The following NREP variants were observed in gnomAD, a reference collection of about 807,000 sequenced individuals.
The protein encoded by NREP is neuronal regeneration-related protein.
A neutral mutation model predicts 8.6 loss-of-function variants in NREP; 5 were observed. That is an observed-to-expected ratio of 0.58 (90% CI 0.30 to 1.22). The LOEUF (loss-of-function observed/expected upper bound fraction) is 1.22, where lower values mean the gene tolerates loss of function less well. Ranked by LOEUF, NREP falls within the 50% of genes most tolerant of loss-of-function variation. The pLI is 0.07. For missense variants in NREP, 86 were observed against 82.5 expected (o/e 1.04, Z -0.17); for synonymous variants, 27 against 28.0 (o/e 0.96, Z 0.11).
At chr5:111,798,018 G>A (rs894998984) in intron 2 of NREP, among the ~76,000 whole-genome samples, 1 of 152,058 alleles carries the variant, frequency 6.6e-6, no homozygotes, top group African/African-American at 2.4e-5. Context: ...TATTATTGGG[G>A]ACTTTACACT....
intron 2 of NREP, among the ~76,000 whole-genome samples, chr5:111,831,644 T>C (rs1011713725): frequency 1.3e-5 from 2 of 152,198 alleles, no homozygotes; most frequent in African/African-American, 4.8e-5. Context: ...TAGGTGGCTG[T>C]CCCCAGAAAG....
Position 111,735,526 on chromosome 5 carries a change from A to G in NREP, c.4-19T>C. On this transcript the variant is annotated intron_variant, in intron 2 of 3. Transcript: ENST00000257435. The stretch of plus-strand genomic sequence containing the variant: ...AATAAACCTATAGAGACACAAAAGC[A>G]TACACATTCAGATTAAAAACAGGAT... 6.4e-7 allele frequency: 1 copy of G among 1,571,802 alleles called. No individual in the cohort carries two copies. Among genetic ancestry groups the G allele is most frequent in the Non-Finnish European group, 8.7e-7 (1 of 1,143,014 alleles).
chr5:111,927,840 T>G (rs1230064004), intron 2 of NREP, among the ~76,000 whole-genome samples: 25 of 152,216 alleles, frequency 1.6e-4, no homozygotes. Flanking sequence ...CAGATCCTAC[T>G]GTAACTTGTG....
chr5:111,840,784 G>C (rs1249580488), intron 2 of NREP, among the ~76,000 whole-genome samples: 1 of 152,050 alleles, frequency 6.6e-6, no homozygotes, highest in Non-Finnish European at 1.5e-5. Context: ...TAAGCAAATA[G>C]GAATAGTAAA....
intron 2 of NREP, among the ~76,000 whole-genome samples, chr5:111,814,053 G>A (rs895256473): frequency 6.6e-6 from 1 of 151,854 alleles, no homozygotes; most frequent in African/African-American, 2.4e-5. Flanking sequence ...CTATACAAAT[G>A]TTTGAGAAAG....
intron 2 of NREP, among the ~76,000 whole-genome samples, chr5:111,932,259 G>C (rs776686281): frequency 1.3e-5 from 2 of 151,856 alleles, no homozygotes; most frequent in African/African-American, 2.4e-5. Context: ...CATTTCTTGG[G>C]GCATAAATGT....
At chr5:111,832,628 A>T (rs1752800020) in intron 2 of NREP, among the ~76,000 whole-genome samples, 1 of 152,070 alleles carries the variant, frequency 6.6e-6, no homozygotes, top group African/African-American at 2.4e-5. Context: ...ACTTTAAATA[A>T]CTTCTGTGTC....
At chr5:111,748,037 A>G (rs1435216842) in intron 2 of NREP, among the ~76,000 whole-genome samples, 1 of 152,170 alleles carries the variant, frequency 6.6e-6, no homozygotes, top group Non-Finnish European at 1.5e-5. Flanking sequence ...AAGCACCATT[A>G]ATACCCTCAC....
At chr5:111,866,234 A>G (rs1232125353) in intron 2 of NREP, among the ~76,000 whole-genome samples, 1 of 152,100 alleles carries the variant, frequency 6.6e-6, no homozygotes, top group Non-Finnish European at 1.5e-5. Flanking sequence ...ATGGGAGAAA[A>G]TTTTTGCAAC....
intron 2 of NREP, among the ~76,000 whole-genome samples, chr5:111,927,475 G>A (rs1462084773): frequency 6.6e-6 from 1 of 152,134 alleles, no homozygotes; most frequent in Non-Finnish European, 1.5e-5. Context: ...TGGTGTGAAA[G>A]GAAAGGAAAA....
chr5:111,866,161 T>G (rs943459895), intron 2 of NREP, among the ~76,000 whole-genome samples: 2 of 152,056 alleles, frequency 1.3e-5, no homozygotes, highest in African/African-American at 2.4e-5. Flanking sequence ...GGGATCTAAT[T>G]AAACTAAAGA....
Position 111,736,646 on chromosome 5 carries a change from T to TAAG in NREP, c.4-1142_4-1140dup, listed in dbSNP as rs547318087. Among the ~76,000 whole-genome samples, 20 of 152,326 alleles carry TAAG rather than the reference T, an allele frequency of 1.3e-4. No individual in the cohort carries two copies. The South Asian group carries it at 4.1e-3, about 32-fold the overall frequency. ...ATCTAGGGTAGGAAATGTAGATGGC[T>TAAG]AAGTGTGTTCACTCTTCGGAATAAT... On this transcript the variant is annotated intron_variant, in intron 2 of 3. Coordinates refer to ENST00000257435, the MANE Select transcript of NREP (RefSeq NM_004772.4).
intron 2 of NREP, among the ~76,000 whole-genome samples, chr5:111,884,177 CAG>C (rs1378347976): frequency 1.1e-4 from 16 of 151,774 alleles, no homozygotes; most frequent in African/African-American, 3.4e-4. Flanking sequence ...AAACTACCAT[CAG>C]AGAATACTAC....
Position 111,771,837 on chromosome 5 carries a change from T to C in NREP, c.136-36330A>G, listed in dbSNP as rs367952085. On this transcript the variant is annotated intron_variant, in intron 2 of 3. Coordinates refer to the NREP transcript ENST00000395634. ...TTTATTGTGCCATCAATATTCAGTA[T>C]TTCCCTATCCTAATGAAAACCAAAA... Among the ~76,000 whole-genome samples the C allele has an allele frequency of 8.5e-5, 13 of 152,050 alleles. No homozygotes were observed. In the East Asian group the frequency reaches 1.5e-3, roughly 18 times the overall value.
intron 2 of NREP, among the ~76,000 whole-genome samples, chr5:111,858,469 G>T (rs944286655): frequency 6.6e-6 from 1 of 152,078 alleles, no homozygotes; most frequent in Non-Finnish European, 1.5e-5. Context: ...GAAAGGAGTA[G>T]GGTAGCTCTC....
intron 2 of NREP, among the ~76,000 whole-genome samples, chr5:111,751,557 A>G (rs1186858169): frequency 1.3e-5 from 2 of 152,218 alleles, no homozygotes; most frequent in African/African-American, 4.8e-5. Context: ...TATCCAGTAC[A>G]AAGTAGAGGA....
At chr5:111,948,630 C>T (rs141391050) in intron 2 of NREP, among the ~76,000 whole-genome samples, 1 of 152,000 alleles carries the variant, frequency 6.6e-6, no homozygotes, top group Non-Finnish European at 1.5e-5. Context: ...CCAAGACATG[C>T]CTTTATGGAA....
chr5:111,929,423 G>A (rs1755477844), intron 2 of NREP, among the ~76,000 whole-genome samples: 1 of 152,202 alleles, frequency 6.6e-6, no homozygotes, highest in Non-Finnish European at 1.5e-5. Context: ...AAGCCTAAGG[G>A]CCTTTGGAGC....
intron 2 of NREP, among the ~76,000 whole-genome samples, chr5:111,773,221 A>T (rs1285498958): frequency 6.6e-6 from 1 of 152,186 alleles, no homozygotes; most frequent in African/African-American, 2.4e-5. Context: ...AGGAGAGAAG[A>T]AAAGGAACTA....
Sources: gnomAD v4.1 joint callset for allele counts (sites outside exome capture counted in the v4.1 genomes callset) on GRCh38, gnomAD v4.1.1 for gene constraint, MANE v1.5 for transcripts, NCBI Gene and HGNC (gene_info 2026-07-23, HGNC 2026-07-21) for gene names.